The following VMP1 variants were observed in gnomAD, a reference collection of about 807,000 sequenced individuals.
The protein encoded by VMP1 is vacuole membrane protein 1, also known as ectopic P-granules autophagy protein 3 homolog.
VMP1 carries 11 observed loss-of-function variants against 56.0 expected under a neutral mutation model. The observed-to-expected ratio is 0.20, with a 90% CI of 0.12 to 0.32. VMP1 has a LOEUF of 0.32. VMP1 is among the 10% of genes least tolerant of loss of function. The pLI is 1.00. For missense variants in VMP1, 296 were observed against 490.3 expected, an observed-to-expected ratio of 0.60 and a Z score of 3.74; for synonymous variants, 149 against 165.0, an observed-to-expected ratio of 0.90 and a Z score of 0.74.
At chr17:59,771,606 G>GTTTTTTTTT (rs1306304917) in intron 6 of VMP1, among the ~76,000 whole-genome samples, 31 of 123,440 alleles carry the variant, frequency 2.5e-4, no homozygotes, top group Non-Finnish European at 3.7e-4. Context: ...GGTTTTTTTG[G>GTTTTTTTTT]TTTTTTTTTT....
rs377665586 is a variant in VMP1 at position 59,794,425 on chromosome 17, G to C, written c.715-14371G>C. Reference sequence around the variant, plus strand: ...AGTAGAGACGGGGTTTCACCATGTTGGTCAGGCTGGTCTTGAACTCCTAAC... The same window carrying C: ...AGTAGAGACGGGGTTTCACCATGTTCGTCAGGCTGGTCTTGAACTCCTAAC... On this transcript the variant is annotated intron_variant, in intron 7 of 11. Transcript: ENST00000262291. Among the ~76,000 whole-genome samples, 14 of 141,534 alleles carry C rather than the reference G, an allele frequency of 9.9e-5. No homozygotes were observed. In the East Asian group the frequency reaches 3.0e-3, roughly 30 times the overall value. 92.9% of individuals were successfully genotyped at this position (141,534 alleles called of 152,430 possible).
At chr17:59,801,904 CA>C (rs2037680777) in intron 7 of VMP1, among the ~76,000 whole-genome samples, 1 of 151,286 alleles carries the variant, frequency 6.6e-6, no homozygotes, top group East Asian at 2.0e-4. Flanking sequence ...CAAAACAAAA[CA>C]AAAAACATAT....
intron 10 of VMP1, among the ~76,000 whole-genome samples, chr17:59,833,210 A>T (rs1307405772): frequency 6.6e-6 from 1 of 152,034 alleles, no homozygotes; most frequent in Non-Finnish European, 1.5e-5. Flanking sequence ...TAGAGCTGGC[A>T]TTATTGTTTG....
At chr17:59,769,019 G>T (rs546951739) in intron 6 of VMP1, among the ~76,000 whole-genome samples, 1 of 151,720 alleles carries the variant, frequency 6.6e-6, no homozygotes, top group Non-Finnish European at 1.5e-5. Flanking sequence ...TACTCAGGAC[G>T]CTGAGGTGGG....
chr17:59,835,348 C>T (rs558856145), intron 10 of VMP1, among the ~76,000 whole-genome samples: 2 of 151,816 alleles, frequency 1.3e-5, no homozygotes, highest in East Asian at 3.9e-4. Flanking sequence ...AGGCTGGTCT[C>T]GAACTCCTGA....
chr17:59,822,343 T>C (rs1428489009), intron 10 of VMP1, among the ~76,000 whole-genome samples: 1 of 151,112 alleles, frequency 6.6e-6, no homozygotes, highest in African/African-American at 2.4e-5. Flanking sequence ...TTTTTTTTTT[T>C]TCTGAGACAG....
At chr17:59,821,718 A>G (rs2038462493) in intron 10 of VMP1, among the ~76,000 whole-genome samples, 1 of 151,502 alleles carries the variant, frequency 6.6e-6, no homozygotes, top group Non-Finnish European at 1.5e-5. Flanking sequence ...ATGCCCGGCT[A>G]ATTTTTTATT....
At chr17:59,832,288 G>A (rs1012392796) in intron 10 of VMP1, among the ~76,000 whole-genome samples, 2 of 137,766 alleles carry the variant, frequency 1.5e-5, no homozygotes, top group African/African-American at 2.8e-5. Flanking sequence ...TCAGCCTCCC[G>A]AGTAGCTGGG....
intron 1 of VMP1, among the ~76,000 whole-genome samples, chr17:59,731,193 C>G (rs1881592145): frequency 6.6e-6 from 1 of 152,056 alleles, no homozygotes; most frequent in Non-Finnish European, 1.5e-5. Context: ...AGGTTTACAA[C>G]TATATGGCTT....
intron 10 of VMP1, among the ~76,000 whole-genome samples, chr17:59,825,158 C>T (rs1483845937): frequency 6.9e-6 from 1 of 145,824 alleles, no homozygotes; most frequent in Non-Finnish European, 1.5e-5. Context: ...GCAATCTCGA[C>T]CCACTGCAAC....
In VMP1 at chr17:59,840,329, A is replaced by C. The variant is rs1301538867; in HGVS notation, c.*418A>C. ...TAAGTCATCAAAATGTATATAAATT[A>C]TCTAGATTGGATAACAGTCTTGCAT... On this transcript the variant is annotated 3_prime_UTR_variant, in exon 12 of 12. Coordinates refer to ENST00000262291, the MANE Select transcript of VMP1 (RefSeq NM_030938.5). The C allele has an allele frequency of 5.6e-6, 1 of 178,252 alleles. No homozygotes were observed. Among genetic ancestry groups the C allele is most frequent in the Non-Finnish European group, 1.2e-5 (1 of 84,870 alleles). 11.0% of individuals were successfully genotyped at this position (178,252 alleles called of 1,614,324 possible).
intron 1 of VMP1, among the ~76,000 whole-genome samples, chr17:59,712,287 G>A (rs1031652985): frequency 6.6e-6 from 1 of 152,158 alleles, no homozygotes; most frequent in African/African-American, 2.4e-5. Flanking sequence ...ATAAATATCT[G>A]AGTATACACT....
intron 5 of VMP1, among the ~76,000 whole-genome samples, chr17:59,764,150 A>G (rs895355992): frequency 4.6e-5 from 7 of 152,214 alleles, no homozygotes; most frequent in Admixed American, 3.3e-4. Flanking sequence ...GTAAGGACGT[A>G]AAGTGATATT....
chr17:59,767,221 A>T (rs1216880147), intron 6 of VMP1, among the ~76,000 whole-genome samples: 1 of 152,018 alleles, frequency 6.6e-6, no homozygotes, highest in Non-Finnish European at 1.5e-5. Flanking sequence ...CAGATCACTT[A>T]CAAATCTTAA....
intron 10 of VMP1, chr17:59,834,003 T>C (rs1339770087): frequency 6.6e-6 from 1 of 152,178 alleles, no homozygotes; most frequent in Non-Finnish European, 1.5e-5. Context: ...TTTCCCTCTT[T>C]TTCCCCAGGC....
intron 9 of VMP1, among the ~76,000 whole-genome samples, chr17:59,813,475 C>A (rs2038123092): frequency 6.6e-6 from 1 of 151,588 alleles, no homozygotes; most frequent in Non-Finnish European, 1.5e-5. Context: ...TACTCAGGAG[C>A]CTGAGGCAGG....
In VMP1 at chr17:59,840,494, G is replaced by T. The variant is rs892256474; in HGVS notation, c.*583G>T. ...TTTGAGACAGTATAAGGAAAATCTG[G>T]TTGGTGTCTTACAAGTGAGCTGACA... On this transcript the variant is annotated 3_prime_UTR_variant, in exon 12 of 12. Coordinates refer to ENST00000262291, the MANE Select transcript of VMP1 (RefSeq NM_030938.5). 6.5e-5 allele frequency: 10 copies of T among 152,746 alleles called. No individual in the cohort carries two copies. Among genetic ancestry groups the T allele is most frequent in the African/African-American group, 2.4e-4 (10 of 41,510 alleles). 9.5% of individuals were successfully genotyped at this position (152,746 alleles called of 1,614,324 possible).
intron 4 of VMP1, 50 bp downstream of exon 4, chr17:59,737,593 C>T: frequency 6.7e-7 from 1 of 1,491,566 alleles, no homozygotes; most frequent in South Asian, 1.3e-5. Context: ...CTCTAATTCT[C>T]TAATCTCAGT....
At chr17:59,838,496 G>C (rs998067706) in intron 11 of VMP1, 99 bp downstream of exon 11, 2 of 1,247,352 alleles carry the variant, frequency 1.6e-6, no homozygotes, top group Admixed American at 3.9e-5. Flanking sequence ...AAGTGAAGTT[G>C]GTTTGCCAGT....
Sources: allele counts gnomAD v4.1 joint callset (sites outside exome capture counted in the v4.1 genomes callset), GRCh38; gene constraint gnomAD v4.1.1; transcripts MANE v1.5; gene names NCBI Gene and HGNC (gene_info 2026-07-23, HGNC 2026-07-21).